The following TMEM63B variants were observed in gnomAD, a reference collection of about 807,000 sequenced individuals.
TMEM63B encodes mechanosensitive cation channel TMEM63B.
Under a neutral mutation model 102.6 loss-of-function variants are expected in TMEM63B, and 23 were observed. The observed-to-expected ratio is 0.22, with a 90% CI of 0.16 to 0.32. TMEM63B has a LOEUF of 0.32. Ranked by LOEUF, TMEM63B falls within the 10% of genes least tolerant of loss-of-function variation. The pLI is 1.00. For synonymous variants in TMEM63B, 444 were observed against 437.0 expected, an observed-to-expected ratio of 1.02 and a Z score of -0.20; for missense variants, 628 against 1,095.9, an observed-to-expected ratio of 0.57 and a Z score of 6.03.
At chr6:44,153,075 A>G (rs1375761484) in intron 20 of TMEM63B, among the ~76,000 whole-genome samples, 1 of 152,250 alleles carries the variant, frequency 6.6e-6, no homozygotes, top group Admixed American at 6.5e-5. Flanking sequence ...CTGTAAACTC[A>G]GGAAAGACTT....
Position 44,146,834 on chromosome 6 carries a change from A to C in TMEM63B, c.783-13A>C. 6.2e-7 allele frequency: 1 copy of C among 1,613,736 alleles called. No individual in the cohort carries two copies. ...GGGTCCCTGCACAAGATGATACATGAACTGTGTTTCAGGGAAGCCTACCCC... is the reference window on the plus strand; with the variant it reads ...GGGTCCCTGCACAAGATGATACATGCACTGTGTTTCAGGGAAGCCTACCCC... On this transcript the variant is annotated splice_polypyrimidine_tract_variant and intron_variant, in intron 10 of 23. Transcript: ENST00000323267.
Position 44,134,382 on chromosome 6 carries a change from GAAGGTA to G in TMEM63B, c.-24-176_-24-171del, listed in dbSNP as rs1425627499. 6.6e-6 allele frequency: 4 copies of G among 603,292 alleles called. No homozygotes were observed. In the Middle Eastern group the frequency reaches 1.8e-3, roughly 277 times the overall value. 37.4% of individuals were successfully genotyped at this position (603,292 alleles called of 1,614,324 possible). ...GTGGGGTCATAGCCAGAGAGCCAGT[GAAGGTA>G]AATCCATGTGACTCAACTCTCCCCT... is the stretch of plus-strand genomic sequence containing the variant. On this transcript the variant is annotated intron_variant, in intron 1 of 23. Transcript: ENST00000323267.
Position 44,155,494 on chromosome 6 carries a change from AAAAT to A in TMEM63B, c.*615_*618del, listed in dbSNP as rs1428785381. On this transcript the variant is annotated 3_prime_UTR_variant, in exon 24 of 24. Transcript: ENST00000323267. ...TTGTTCTTTTTTGTTTTTTTCCTTTAAAATAAAAACAAAGAAAAGCTCTGAGGCA... is the reference window on the plus strand; with the variant it reads ...TTGTTCTTTTTTGTTTTTTTCCTTTAAAAAACAAAGAAAAGCTCTGAGGCA... The A allele has an allele frequency of 6.7e-6, 1 of 148,486 alleles. No homozygotes were observed. The highest frequency in any genetic ancestry group is 1.5e-5 in the Non-Finnish European group (1 of 67,048). The allele number at this position is 148,486 out of a possible 1,614,324, so 9.2% of individuals were successfully genotyped here.
intron 10 of TMEM63B, among the ~76,000 whole-genome samples, chr6:44,146,549 C>T (rs986803061): frequency 2.0e-5 from 3 of 151,892 alleles, no homozygotes; most frequent in Non-Finnish European, 2.9e-5. Context: ...CTCCCGGGTT[C>T]GAGCAATTCT....
rs1307205429 is a variant in TMEM63B, at chr6:44,127,645, G to A, written c.-58G>A. The A allele has an allele frequency of 6.8e-6, 1 of 147,424 alleles. No homozygotes were observed. Among genetic ancestry groups the A allele is most frequent in the Non-Finnish European group, 1.5e-5 (1 of 66,494 alleles). 9.1% of individuals were successfully genotyped at this position (147,424 alleles called of 1,614,324 possible). A position where few individuals can be genotyped will look rare whatever the true frequency, so the allele number is the denominator to read the frequency against. On this transcript the variant is annotated 5_prime_UTR_variant, in exon 1 of 24. Coordinates refer to ENST00000323267, the MANE Select transcript of TMEM63B (RefSeq NM_018426.3). ...CCCAGCCCCGCCCCGCCCCAACCCG[G>A]GGCTCCGAGCCGGAGCCGAGTCTGC... is the stretch of plus-strand genomic sequence containing the variant.
At chr6:44,134,176 T>C (rs547162352) in intron 1 of TMEM63B, among the ~76,000 whole-genome samples, 2 of 152,188 alleles carry the variant, frequency 1.3e-5, no homozygotes, top group African/African-American at 4.8e-5. Context: ...CTAAGACCCC[T>C]CCCTGTCTTC....
At chr6:44,146,704 GC>G (rs1561816369) in intron 10 of TMEM63B, 142 bp from the exon 11 acceptor site, 1 of 803,262 alleles carries the variant, frequency 1.2e-6, no homozygotes, top group Middle Eastern at 3.0e-4. Context: ...TCCCGCTTCG[GC>G]CCCCCAAAGT....
At chr6:44,138,729 C>G in intron 6 of TMEM63B, 1 of 461,490 alleles carries the variant, frequency 2.2e-6, no homozygotes, top group Admixed American at 3.6e-5. Context: ...TCTGTGACCC[C>G]CTGCCGGCCC....
chr6:44,153,047 GCA>G (rs1767106803), intron 20 of TMEM63B, among the ~76,000 whole-genome samples: 1 of 152,224 alleles, frequency 6.6e-6, no homozygotes, highest in Non-Finnish European at 1.5e-5. Context: ...GCATCCATGT[GCA>G]CACTTTTACA....
At chr6:44,151,775 A>C in intron 18 of TMEM63B, 71 bp from the exon 19 acceptor site, 2 of 1,501,838 alleles carry the variant, frequency 1.3e-6, no homozygotes, top group Non-Finnish European at 1.8e-6. Flanking sequence ...TGGGTGCTGT[A>C]GTTCTGGCAG....
chr6:44,136,734 C>G (rs887193700), intron 5 of TMEM63B, among the ~76,000 whole-genome samples: 4 of 152,240 alleles, frequency 2.6e-5, no homozygotes, highest in African/African-American at 4.8e-5. Flanking sequence ...CCTAAGGCCA[C>G]CTTTTTTCCG....
At chr6:44,149,121 CCT>C (rs1766032867) in intron 15 of TMEM63B, 176 bp downstream of exon 15, 1 of 913,094 alleles carries the variant, frequency 1.1e-6, no homozygotes, top group East Asian at 2.6e-5. Flanking sequence ...CCACCTTCCC[CCT>C]GAGAGAGGCC....
chr6:44,137,132 T>C (rs1250847168), intron 5 of TMEM63B, among the ~76,000 whole-genome samples: 1 of 152,184 alleles, frequency 6.6e-6, no homozygotes, highest in Non-Finnish European at 1.5e-5. Context: ...TGCAGGTGGG[T>C]GGCCCCTGGC....
intron 10 of TMEM63B, among the ~76,000 whole-genome samples, chr6:44,142,047 A>G (rs1201566714): frequency 1.3e-5 from 2 of 151,898 alleles, no homozygotes; most frequent in Non-Finnish European, 2.9e-5. Context: ...GCTTGAACCC[A>G]GGAGGTCGAG....
At chr6:44,147,556 A>C in intron 12 of TMEM63B, 56 bp downstream of exon 12, 1 of 1,594,972 alleles carries the variant, frequency 6.3e-7, no homozygotes, top group Non-Finnish European at 8.5e-7. Flanking sequence ...CTGGGCAGGC[A>C]AGGCTGGGGC....
Position 44,134,561 on chromosome 6 carries a change from G to C in TMEM63B, c.-24G>C, listed in dbSNP as rs1762563518. The C allele has an allele frequency of 6.2e-7, 1 of 1,612,186 alleles. No individual in the cohort carries two copies. Among genetic ancestry groups the C allele is most frequent in the Non-Finnish European group, 8.5e-7 (1 of 1,178,996 alleles). On this transcript the variant is annotated splice_region_variant and 5_prime_UTR_variant, in exon 2 of 24. Transcript: ENST00000323267. ...GCTGACTGCTCCACCCTCTGCCCAG[G>C]AGGACCATGCGGCAGTAGCAGCCAT... is the stretch of plus-strand genomic sequence containing the variant.
Position 44,152,782 on chromosome 6 carries a change from C to A in TMEM63B, c.1942+84C>A. The A allele has an allele frequency of 8.4e-7, 1 of 1,193,160 alleles. No homozygotes were observed. The allele number at this position is 1,193,160 out of a possible 1,614,324, so 73.9% of individuals were successfully genotyped here. A position where few individuals can be genotyped will look rare whatever the true frequency, so the allele number is the denominator to read the frequency against. ...CTCCACTCTAGGAATGCAGGCCACC[C>A]CGAGTGGACAGGGCCCGGCTGGGAG... On this transcript the variant is annotated intron_variant, in intron 20 of 23. Transcript: ENST00000323267. The surrounding 1 kb of genome is among the most constrained non-coding windows in gnomAD (Gnocchi z 6.4).
At chr6:44,154,554 G>A in intron 23 of TMEM63B, 109 bp downstream of exon 23, 1 of 1,502,934 alleles carries the variant, frequency 6.7e-7, no homozygotes, top group South Asian at 1.2e-5. Flanking sequence ...CATGGGGGCG[G>A]GAAGAGAGCT....
chr6:44,130,288 C>A (rs1403252695), intron 1 of TMEM63B, among the ~76,000 whole-genome samples: 4 of 152,198 alleles, frequency 2.6e-5, no homozygotes, highest in Non-Finnish European at 5.9e-5. Context: ...TATACTCTCT[C>A]TGTATCTCAG....
Sources: allele counts gnomAD v4.1 joint callset (sites outside exome capture counted in the v4.1 genomes callset), GRCh38; gene constraint gnomAD v4.1.1; non-coding constraint Gnocchi (gnomAD v3.1); transcripts MANE v1.5; gene names NCBI Gene and HGNC (gene_info 2026-07-23, HGNC 2026-07-21).